PHF14: variants seen among roughly 807,000 people sequenced by gnomAD.
PHF14 encodes PHD finger protein 14.
In PHF14, 55 loss-of-function variants were observed where a neutral mutation model predicts 117.9. The observed-to-expected ratio is 0.47, with a 90% confidence interval of 0.38 to 0.58. PHF14 has a LOEUF of 0.58. Ranked by LOEUF, PHF14 falls within the 20% of genes least tolerant of loss-of-function variation. PHF14 has a pLI of 0.00. For missense variants in PHF14, 978 were observed against 1,122.2 expected (o/e 0.87, Z 1.84); for synonymous variants, 409 against 368.6 (o/e 1.11, Z -1.26).
rs567745727 is a variant in PHF14 at position 11,125,975 on chromosome 7, A to G, written c.2772+14508A>G. On this transcript the variant is annotated intron_variant, in intron 17 of 17. Coordinates refer to ENST00000634607, the MANE Select transcript of PHF14 (RefSeq NM_001007157.2). ...GGTTAACATTTTAAGAATCGCTTTG[A>G]AAAGTTCAAGCTGTATCAAAGCACT... Among the ~76,000 whole-genome samples the G allele has an allele frequency of 9.8e-4, 149 of 152,210 alleles. 1 individual carries two copies. Among genetic ancestry groups the G allele is most frequent in the Middle Eastern group, 3.4e-3 (1 of 294 alleles).
At chr7:11,079,953 C>T (rs1476245302) in intron 16 of PHF14, among the ~76,000 whole-genome samples, 1 of 152,068 alleles carries the variant, frequency 6.6e-6, no homozygotes, top group Non-Finnish European at 1.5e-5. Flanking sequence ...TTGATTGTCA[C>T]TTTTGTTGCA....
Position 10,974,339 on chromosome 7 carries a change from G to A in PHF14, c.1+15G>A, listed in dbSNP as rs1471379174. On this transcript the variant is annotated intron_variant, in intron 1 of 17. Transcript: ENST00000634607. ...CGGATTCCTTAGTAAGTGTATCCGA[G>A]GCCTCTGCGGCGAGAGGTCCATTTC... 1.3e-6 allele frequency: 2 copies of A among 1,587,138 alleles called. No individual in the cohort carries two copies. Among genetic ancestry groups the A allele is most frequent in the African/African-American group, 2.7e-5 (2 of 74,334 alleles).
intron 14 of PHF14, among the ~76,000 whole-genome samples, chr7:11,054,893 G>T (rs944567547): frequency 4.0e-5 from 6 of 151,894 alleles, no homozygotes; most frequent in African/African-American, 1.2e-4. Context: ...ATTGATCAAA[G>T]TATAATTTGT....
chr7:11,007,166 C>T (rs1205239579), intron 4 of PHF14, among the ~76,000 whole-genome samples: 4 of 151,748 alleles, frequency 2.6e-5, no homozygotes, highest in Admixed American at 2.6e-4. Flanking sequence ...GCACTCCAGC[C>T]CGGGTAACAA....
intron 16 of PHF14, chr7:11,106,188 A>T: frequency 9.2e-6 from 9 of 981,342 alleles, no homozygotes; most frequent in Non-Finnish European, 9.7e-6. Flanking sequence ...AGATATAGCT[A>T]ACTGAATTGA....
At chr7:10,998,274 A>G (rs1312161579) in intron 4 of PHF14, among the ~76,000 whole-genome samples, 1 of 152,178 alleles carries the variant, frequency 6.6e-6, no homozygotes, top group Non-Finnish European at 1.5e-5. Flanking sequence ...AGTTATTTTT[A>G]AAATGTTTCT....
At chr7:10,978,781 T>A (rs776887578) in intron 2 of PHF14, among the ~76,000 whole-genome samples, 2 of 152,158 alleles carry the variant, frequency 1.3e-5, no homozygotes, top group Non-Finnish European at 2.9e-5. Context: ...GCAACTATTG[T>A]TTCCAGACAT....
chr7:11,074,403 G>C (rs565267178), intron 16 of PHF14, among the ~76,000 whole-genome samples: 19 of 151,896 alleles, frequency 1.3e-4, no homozygotes, highest in African/African-American at 4.1e-4. Flanking sequence ...GTAGAGGCAG[G>C]GTTTCGCCGT....
chr7:10,986,612 C>G (rs1168044467), intron 3 of PHF14, among the ~76,000 whole-genome samples: 1 of 152,114 alleles, frequency 6.6e-6, no homozygotes, highest in Non-Finnish European at 1.5e-5. Flanking sequence ...TGTCAATAAC[C>G]TTATGGCATT....
intron 6 of PHF14, among the ~76,000 whole-genome samples, chr7:11,024,494 C>T (rs1259851125): frequency 6.6e-6 from 1 of 152,180 alleles, no homozygotes; most frequent in Non-Finnish European, 1.5e-5. Context: ...CACTATCTGG[C>T]TTCTAAGGGC....
At chr7:11,157,276 A>G (rs1788891369) in intron 17 of PHF14, among the ~76,000 whole-genome samples, 1 of 152,152 alleles carries the variant, frequency 6.6e-6, no homozygotes, top group South Asian at 2.1e-4. Context: ...TCAAGAGTTA[A>G]TATCTTAAAA....
At chr7:11,041,517 T>C (rs1034364137) in intron 12 of PHF14, among the ~76,000 whole-genome samples, 1 of 151,902 alleles carries the variant, frequency 6.6e-6, no homozygotes, top group South Asian at 2.1e-4. Context: ...ATAAATATTC[T>C]TCTCAAAATT....
At chr7:10,992,936 T>A (rs1179635532) in intron 4 of PHF14, among the ~76,000 whole-genome samples, 6 of 152,196 alleles carry the variant, frequency 3.9e-5, no homozygotes, top group Non-Finnish European at 1.5e-5. Flanking sequence ...CAGTTTTTTT[T>A]ATTTTGGTTT....
chr7:11,063,383 AGC>A (rs1477987948), intron 16 of PHF14: 6 of 981,534 alleles, frequency 6.1e-6, no homozygotes, highest in Non-Finnish European at 7.3e-6. Flanking sequence ...CCCAAGCATA[AGC>A]GTAACATAAT....
At chr7:11,018,799 T>C (rs188536340) in intron 5 of PHF14, among the ~76,000 whole-genome samples, 7 of 152,290 alleles carry the variant, frequency 4.6e-5, no homozygotes, top group Admixed American at 4.6e-4. Context: ...GTGGTGACAG[T>C]GGGCCTGCTT....
chr7:10,974,053 G>C lies in PHF14; in HGVS notation c.-271G>C. ...ATTAACTCCCCGGGGCCGCCGGGTT[G>C]ACTGCGCTGCCTGGGCCGGAGGTCT... is the stretch of plus-strand genomic sequence containing the variant. On this transcript the variant is annotated 5_prime_UTR_variant, in exon 1 of 18. Transcript: ENST00000634607. 2.3e-6 allele frequency: 1 copy of C among 429,662 alleles called. No homozygotes were observed. The highest frequency in any genetic ancestry group is 4.2e-6 in the Non-Finnish European group (1 of 237,946). The allele number at this position is 429,662 out of a possible 1,614,324, so 26.6% of individuals were successfully genotyped here.
chr7:11,104,197 C>A, intron 16 of PHF14: 1 of 981,160 alleles, frequency 1.0e-6, no homozygotes, highest in Non-Finnish European at 1.2e-6. Context: ...AATTATAATA[C>A]TATATTATCA....
chr7:11,136,595 G>A (rs189550278), intron 17 of PHF14, among the ~76,000 whole-genome samples: 1 of 152,120 alleles, frequency 6.6e-6, no homozygotes, highest in Admixed American at 6.5e-5. Context: ...CTTTTGCCAT[G>A]TTCTATTCTA....
intron 13 of PHF14, among the ~76,000 whole-genome samples, chr7:11,044,446 G>C (rs1025840074): frequency 6.6e-6 from 1 of 152,124 alleles, no homozygotes; most frequent in Non-Finnish European, 1.5e-5. Flanking sequence ...AGTAAAAGTA[G>C]AAGTTAATGT....
Sources: allele counts gnomAD v4.1 joint callset (sites outside exome capture counted in the v4.1 genomes callset), GRCh38; gene constraint gnomAD v4.1.1; transcripts MANE v1.5; gene names NCBI Gene and HGNC (gene_info 2026-07-23, HGNC 2026-07-21).